PLXDC2: variants seen among roughly 807,000 people sequenced by gnomAD.
PLXDC2 encodes plexin domain-containing protein 2.
PLXDC2 carries 40 observed loss-of-function variants against 68.9 expected under a neutral mutation model. That is an observed-to-expected ratio of 0.58 (90% CI 0.45 to 0.76). The LOEUF (loss-of-function observed/expected upper bound fraction) is 0.76, where lower values mean the gene tolerates loss of function less well. Ranked by LOEUF, PLXDC2 falls within the 30% of genes least tolerant of loss-of-function variation. The pLI, the probability that PLXDC2 is intolerant of heterozygous loss-of-function variation, is 0.00. For synonymous variants in PLXDC2, 243 were observed against 234.2 expected, an observed-to-expected ratio of 1.04 and a Z score of -0.34; for missense variants, 644 against 661.9, an observed-to-expected ratio of 0.97 and a Z score of 0.30.
chr10:20,052,667 C>T (rs1835923448), intron 3 of PLXDC2, among the ~76,000 whole-genome samples: 1 of 138,584 alleles, frequency 7.2e-6, no homozygotes, highest in African/African-American at 2.8e-5. Context: ...CGAATCTTAT[C>T]AGCAGTTCAT....
At chr10:19,839,843 A>G (rs1836870798) in intron 1 of PLXDC2, among the ~76,000 whole-genome samples, 1 of 152,198 alleles carries the variant, frequency 6.6e-6, no homozygotes. Flanking sequence ...TTACATATGT[A>G]TTAACATCTT....
chr10:20,257,535 C>G (rs1588547458), intron 13 of PLXDC2, among the ~76,000 whole-genome samples: 1 of 152,294 alleles, frequency 6.6e-6, no homozygotes, highest in Middle Eastern at 3.4e-3. Context: ...CAGGAAATGA[C>G]CACAGCCCTT....
At chr10:20,089,456 C>T (rs1395651591) in intron 4 of PLXDC2, among the ~76,000 whole-genome samples, 1 of 151,992 alleles carries the variant, frequency 6.6e-6, no homozygotes, top group Non-Finnish European at 1.5e-5. Flanking sequence ...TGACTTGTCC[C>T]TAAGATTCAT....
chr10:20,099,278 T>C (rs1833391634), intron 4 of PLXDC2, among the ~76,000 whole-genome samples: 1 of 152,166 alleles, frequency 6.6e-6, no homozygotes, highest in Non-Finnish European at 1.5e-5. Context: ...TAACATTTTG[T>C]AGTATATTCT....
At chr10:19,853,106 GA>G (rs1360937191) in intron 1 of PLXDC2, among the ~76,000 whole-genome samples, 1 of 152,138 alleles carries the variant, frequency 6.6e-6, no homozygotes, top group Non-Finnish European at 1.5e-5. Flanking sequence ...AGATAATACA[GA>G]AAATAGAGTA....
chr10:19,850,542 G>C (rs1258956756), intron 1 of PLXDC2, among the ~76,000 whole-genome samples: 1 of 152,160 alleles, frequency 6.6e-6, no homozygotes, highest in East Asian at 1.9e-4. Flanking sequence ...TCTCATGAAC[G>C]TTTCATCACG....
rs1025713441 is a variant in PLXDC2 at position 20,219,189 on chromosome 10, T to G, written c.1312+87T>G. 18 of 1,364,796 alleles carry G rather than the reference T, an allele frequency of 1.3e-5. No individual in the cohort carries two copies. In the East Asian group the frequency reaches 4.6e-4, roughly 35 times the overall value. The allele number at this position is 1,364,796 out of a possible 1,614,324, so 84.5% of individuals were successfully genotyped here. On this transcript the variant is annotated intron_variant, in intron 12 of 13. Transcript: ENST00000377252. Reference sequence around the variant, plus strand: ...TACTATGAGAAAGGCAATACGGGCTTCTAGATAAAAGGTGAGGTTGTGTTT... The same window carrying G: ...TACTATGAGAAAGGCAATACGGGCTGCTAGATAAAAGGTGAGGTTGTGTTT...
At chr10:20,177,935 G>A (rs1426448348) in intron 9 of PLXDC2, among the ~76,000 whole-genome samples, 2 of 152,024 alleles carry the variant, frequency 1.3e-5, no homozygotes, top group Admixed American at 1.3e-4. Flanking sequence ...TTTATAGTCA[G>A]TAAGGCCATT....
chr10:19,838,675 C>A (rs1836846541), intron 1 of PLXDC2, among the ~76,000 whole-genome samples: 1 of 152,162 alleles, frequency 6.6e-6, no homozygotes, highest in Non-Finnish European at 1.5e-5. Flanking sequence ...TCAAACAGTT[C>A]CATCTGAATT....
chr10:19,816,741 G>T lies in PLXDC2; in HGVS notation c.-339G>T. On this transcript the variant is annotated 5_prime_UTR_variant, in exon 1 of 14. Coordinates refer to ENST00000377252, the MANE Select transcript of PLXDC2 (RefSeq NM_032812.9). ...GGGGCTCGGAAGTCACCGTCCGCGG[G>T]CACCGGGTTGGCGCTGCCCGAGTGG... 2 of 425,074 alleles carry T rather than the reference G, an allele frequency of 4.7e-6. No homozygotes were observed. 26.3% of individuals were successfully genotyped at this position (425,074 alleles called of 1,614,324 possible).
At chr10:20,266,405 A>T (rs1219550373) in intron 13 of PLXDC2, among the ~76,000 whole-genome samples, 2 of 151,962 alleles carry the variant, frequency 1.3e-5, no homozygotes, top group Admixed American at 1.3e-4. Flanking sequence ...TACAAGAACA[A>T]TTGTTGTTTA....
In PLXDC2 at chr10:19,993,034, C is replaced by G. The variant is rs12258863; in HGVS notation, c.113-8741C>G. 8.3e-4 allele frequency among the ~76,000 whole-genome samples: 126 copies of G among 152,286 alleles called. 3 individuals carry two copies. In the South Asian group the frequency reaches 0.013, roughly 15 times the overall value. On this transcript the variant is annotated intron_variant, in intron 1 of 13. Transcript: ENST00000377252. Reference sequence around the variant, plus strand: ...GCCTCCCCGAACCATCACTGGACTTCTCACATACGTCAATTCCCTCATCTG... The same window carrying G: ...GCCTCCCCGAACCATCACTGGACTTGTCACATACGTCAATTCCCTCATCTG...
intron 10 of PLXDC2, 123 bp from the exon 11 acceptor site, chr10:20,217,303 G>A: frequency 1.2e-6 from 1 of 826,654 alleles, no homozygotes; most frequent in Non-Finnish European, 1.8e-6. Flanking sequence ...TTGTACAAAA[G>A]TAATTTATTC....
chr10:19,878,899 A>T (rs1296082334), intron 1 of PLXDC2, among the ~76,000 whole-genome samples: 1 of 152,162 alleles, frequency 6.6e-6, no homozygotes, highest in African/African-American at 2.4e-5. Flanking sequence ...TTTCAGCAGT[A>T]AACTTGAGTC....
chr10:20,188,140 T>C (rs1589671667), intron 9 of PLXDC2, among the ~76,000 whole-genome samples: 1 of 151,664 alleles, frequency 6.6e-6, no homozygotes, highest in Middle Eastern at 3.5e-3. Flanking sequence ...ACTAAATATG[T>C]GTTATTAAAT....
In PLXDC2 at chr10:20,098,357, A is replaced by ATGTGTG. The variant is rs35209594; in HGVS notation, c.541+30140_541+30145dup. 4.6e-3 allele frequency among the ~76,000 whole-genome samples: 668 copies of ATGTGTG among 145,452 alleles called. 3 individuals carry two copies. The highest frequency in any genetic ancestry group is 0.02 in the East Asian group (98 of 4,854). On this transcript the variant is annotated intron_variant, in intron 4 of 13. Transcript: ENST00000377252. ...CCGTCATTTTCGTGCGTGTGTGTGT[A>ATGTGTG]TGTGTGTGTGTGTGTGTGTGTGTGT...
intron 9 of PLXDC2, 65 bp from the exon 10 acceptor site, chr10:20,211,604 A>G: frequency 6.9e-7 from 1 of 1,454,854 alleles, no homozygotes; most frequent in South Asian, 1.2e-5. Context: ...TTTACTTTTA[A>G]TTTCTGTCCA....
At position 20,283,673 on chromosome 10, in the gene PLXDC2, C is replaced by A. The variant is rs1472016881; in HGVS notation, c.*3854C>A. 6.6e-6 allele frequency: 1 copy of A among 152,178 alleles called. No individual in the cohort carries two copies. Among genetic ancestry groups the A allele is most frequent in the Non-Finnish European group, 1.5e-5 (1 of 68,032 alleles). The allele number at this position is 152,178 out of a possible 1,614,324, so 9.4% of individuals were successfully genotyped here. ...TGAACATCCTTCAACTGGCTCAGTTCTTTATTGCATAGAGCCACTTAGCTT... is the reference window on the plus strand; with the variant it reads ...TGAACATCCTTCAACTGGCTCAGTTATTTATTGCATAGAGCCACTTAGCTT... On this transcript the variant is annotated 3_prime_UTR_variant, in exon 14 of 14. Coordinates refer to ENST00000377252, the MANE Select transcript of PLXDC2 (RefSeq NM_032812.9).
chr10:20,002,023 G>T, intron 2 of PLXDC2, 37 bp downstream of exon 2: 1 of 1,574,268 alleles, frequency 6.4e-7, no homozygotes, highest in Non-Finnish European at 8.7e-7. Context: ...ATGGATTAAT[G>T]AATTTATTTC....
Sources: allele counts gnomAD v4.1 joint callset (sites outside exome capture counted in the v4.1 genomes callset), GRCh38; gene constraint gnomAD v4.1.1; transcripts MANE v1.5; gene names NCBI Gene and HGNC (gene_info 2026-07-23, HGNC 2026-07-21).